Variants in WWOX observed in about 807,000 individuals in gnomAD.
The protein encoded by WWOX is WW domain containing oxidoreductase.
Under a neutral mutation model 46.2 loss-of-function variants are expected in WWOX, and 69 were observed. That is an observed-to-expected ratio of 1.49 (90% confidence interval 1.23 to 1.82). The LOEUF (loss-of-function observed/expected upper bound fraction) is 1.82, where lower values mean the gene tolerates loss of function less well. WWOX is among the 40% of genes most tolerant of loss of function. The pLI is 0.00. For missense variants in WWOX, 919 were observed against 542.6 expected (o/e 1.69, Z -6.89); for synonymous variants, 359 against 202.6 (o/e 1.77, Z -6.56).
At chr16:78,889,747 T>C (rs10451159) in intron 8 of WWOX, among the ~76,000 whole-genome samples, 13,496 of 152,170 alleles carry the variant, frequency 0.089, 2,011 homozygotes, top group African/African-American at 0.31. Flanking sequence ...TTGTGCGATA[T>C]AGTTCCCTAT....
chr16:78,632,557 A>ATTTTTTTTGTTTTTTTTTTTTTTT (rs2046459797), intron 8 of WWOX, among the ~76,000 whole-genome samples: 1 of 74,758 alleles, frequency 1.3e-5, no homozygotes, highest in Non-Finnish European at 2.4e-5. Context: ...TACTTGGCCA[A>ATTTTTTTTGTTTTTTTTTTTTTTT]TTTTTTTTTT....
At chr16:78,773,172 G>C (rs7198930) in intron 8 of WWOX, among the ~76,000 whole-genome samples, 112,469 of 152,154 alleles carry the variant, frequency 0.74, 42,488 homozygotes, top group Middle Eastern at 0.88. Context: ...ATCCTAAGCC[G>C]CTAGAACAGT....
intron 5 of WWOX, among the ~76,000 whole-genome samples, chr16:78,370,262 G>C (rs1032178306): frequency 1.3e-5 from 2 of 151,904 alleles, no homozygotes; most frequent in African/African-American, 4.8e-5. Context: ...GCTTCAGTTT[G>C]CTCCTTAGCA....
intron 8 of WWOX, among the ~76,000 whole-genome samples, chr16:79,031,872 CTA>C (rs1167817853): frequency 7.8e-6 from 1 of 128,934 alleles, no homozygotes; most frequent in Admixed American, 8.1e-5. Flanking sequence ...AGATAGATAT[CTA>C]TATACAGATA....
At chr16:79,176,004 A>T (rs2050792951) in intron 8 of WWOX, among the ~76,000 whole-genome samples, 1 of 152,160 alleles carries the variant, frequency 6.6e-6, no homozygotes, top group South Asian at 2.1e-4. Context: ...CAGAAATGTT[A>T]CCTGCTCTAT....
chr16:78,805,971 A>G (rs1159354098), intron 8 of WWOX, among the ~76,000 whole-genome samples: 1 of 152,226 alleles, frequency 6.6e-6, no homozygotes, highest in East Asian at 1.9e-4. Context: ...ATCTCGAGAC[A>G]GAAGTGGAGG....
intron 4 of WWOX, among the ~76,000 whole-genome samples, chr16:78,141,430 C>CTTTTTTT (rs10639685): frequency 3.3e-4 from 39 of 118,924 alleles, no homozygotes; most frequent in African/African-American, 1.1e-3. Flanking sequence ...CATCCCCCTT[C>CTTTTTTT]TTTTTTTTTT....
intron 8 of WWOX, among the ~76,000 whole-genome samples, chr16:78,640,124 A>G (rs889885283): frequency 6.6e-6 from 1 of 150,402 alleles, no homozygotes; most frequent in Non-Finnish European, 1.5e-5. Context: ...GAAGAAATGG[A>G]TCTTCAGGTT....
intron 8 of WWOX, among the ~76,000 whole-genome samples, chr16:78,967,152 T>C (rs2046376725): frequency 6.6e-6 from 1 of 152,106 alleles, no homozygotes; most frequent in Admixed American, 6.6e-5. Flanking sequence ...CAAGTTTACC[T>C]GCCTCTCTGA....
At chr16:78,856,499 T>A (rs1442632790) in intron 8 of WWOX, among the ~76,000 whole-genome samples, 1 of 152,088 alleles carries the variant, frequency 6.6e-6, no homozygotes, top group East Asian at 1.9e-4. Flanking sequence ...AAAAATCAGC[T>A]GGTTGTGGTG....
At chr16:78,714,747 C>G (rs1042384500) in intron 8 of WWOX, among the ~76,000 whole-genome samples, 5 of 152,080 alleles carry the variant, frequency 3.3e-5, no homozygotes, top group Non-Finnish European at 5.9e-5. Flanking sequence ...AGGGAAGATT[C>G]AAGGTGAAGG....
At chr16:79,128,190 A>G (rs753341334) in intron 8 of WWOX, among the ~76,000 whole-genome samples, 6 of 152,230 alleles carry the variant, frequency 3.9e-5, no homozygotes, top group Admixed American at 1.3e-4. Context: ...ACGCCCTGCC[A>G]GAATCATTTG....
chr16:78,728,055 C>CTTTTTTTTTTTTTTTTTTTTTTTT (rs758484198), intron 8 of WWOX, among the ~76,000 whole-genome samples: 1 of 86,806 alleles, frequency 1.2e-5, no homozygotes, highest in African/African-American at 5.9e-5. Context: ...TCCCTCCTTC[C>CTTTTTTTTTTTTTTTTTTTTTTTT]TTTTTTTTTT....
chr16:78,739,795 G>A (rs2049172945), intron 8 of WWOX, among the ~76,000 whole-genome samples: 1 of 152,106 alleles, frequency 6.6e-6, no homozygotes, highest in South Asian at 2.1e-4. Flanking sequence ...TGGGCAACAG[G>A]GAGAGATTCC....
At chr16:78,207,567 C>A (rs2036433444) in intron 5 of WWOX, among the ~76,000 whole-genome samples, 1 of 150,838 alleles carries the variant, frequency 6.6e-6, no homozygotes, top group African/African-American at 2.4e-5. Context: ...ATTTTCACTC[C>A]TTTAATTGAG....
intron 8 of WWOX, among the ~76,000 whole-genome samples, chr16:78,640,226 GTTTTTTTTTTTTTTTTT>G (rs34129775): frequency 7.7e-5 from 5 of 65,346 alleles, no homozygotes; most frequent in Admixed American, 5.2e-4. Flanking sequence ...TTGTTGTTGG[GTTTTTTTTTTTTTTTTT>G]TTTTTTTTTT....
chr16:79,059,883 A>T (rs748070973), intron 8 of WWOX, among the ~76,000 whole-genome samples: 1 of 152,234 alleles, frequency 6.6e-6, no homozygotes, highest in Admixed American at 6.5e-5. Context: ...TTTATTAACA[A>T]CTTGAGTAAT....
chr16:78,315,003 C>A lies in WWOX; in HGVS notation c.517-71857C>A, dbSNP rs566267923. ...AGAACTTCTCCTTCACTCACATGTC[C>A]TGATACTTCCTCAGCATTTCATTCT... On this transcript the variant is annotated intron_variant, in intron 5 of 8. Transcript: ENST00000566780. Among the ~76,000 whole-genome samples the A allele has an allele frequency of 2.6e-4, 39 of 152,278 alleles. 1 individual carries two copies. In the Middle Eastern group the frequency reaches 0.01, roughly 40 times the overall value.
At chr16:78,892,711 T>A (rs1436163085) in intron 8 of WWOX, among the ~76,000 whole-genome samples, 1 of 152,214 alleles carries the variant, frequency 6.6e-6, no homozygotes, top group Admixed American at 6.5e-5. Flanking sequence ...GGCAGGTGAT[T>A]GTGATACTAT....
Sources: allele counts gnomAD v4.1 joint callset (sites outside exome capture counted in the v4.1 genomes callset), GRCh38; gene constraint gnomAD v4.1.1; transcripts MANE v1.5; gene names NCBI Gene and HGNC (gene_info 2026-07-23, HGNC 2026-07-21).